Variants in DAB1 observed in about 807,000 individuals in gnomAD.
DAB1 encodes the protein DAB adaptor protein 1.
A neutral mutation model predicts 64.6 loss-of-function variants in DAB1; 15 were observed. That is an observed-to-expected ratio of 0.23 (90% CI 0.16 to 0.36). The LOEUF is 0.36. Ranked by LOEUF, DAB1 falls within the 10% of genes least tolerant of loss-of-function variation. The probability of loss-of-function intolerance (pLI) is 1.00; values close to 1 mark genes in which losing one functional copy is unlikely to be tolerated. For missense variants in DAB1, 596 were observed against 706.7 expected (o/e 0.84, Z 1.78); for synonymous variants, 235 against 251.9 (o/e 0.93, Z 0.64).
chr1:57,288,206 G>C (rs1477777640), intron 2 of DAB1, among the ~76,000 whole-genome samples: 1 of 152,046 alleles, frequency 6.6e-6, no homozygotes, highest in Non-Finnish European at 1.5e-5. Context: ...ATTGTTCTGG[G>C]ACAAATTAGC....
At chr1:57,100,356 A>AC (rs140090683) in intron 4 of DAB1, among the ~76,000 whole-genome samples, 10,619 of 152,208 alleles carry the variant, frequency 0.07, 890 homozygotes, top group African/African-American at 0.2. Flanking sequence ...GTACTACCTA[A>AC]AAAATCAGAC....
At chr1:57,701,246 T>C (rs536886414) in intron 6 of DAB1, among the ~76,000 whole-genome samples, 1 of 151,766 alleles carries the variant, frequency 6.6e-6, no homozygotes. Flanking sequence ...TATAAAGACA[T>C]ATGCACACGT....
intron 4 of DAB1, among the ~76,000 whole-genome samples, chr1:58,259,451 C>T (rs1661003136): frequency 6.6e-6 from 1 of 152,214 alleles, no homozygotes; most frequent in Admixed American, 6.5e-5. Flanking sequence ...GCCTGAGCTA[C>T]ATGTAATCTT....
At chr1:58,260,066 G>GA (rs1216859818) in intron 4 of DAB1, among the ~76,000 whole-genome samples, 5 of 152,068 alleles carry the variant, frequency 3.3e-5, no homozygotes, top group Non-Finnish European at 7.4e-5. Context: ...GGAGAGCTGG[G>GA]ATATAAACCC....
chr1:58,131,919 G>C (rs926242078), intron 5 of DAB1, among the ~76,000 whole-genome samples: 29 of 150,938 alleles, frequency 1.9e-4, no homozygotes, highest in South Asian at 4.3e-4. Flanking sequence ...TTGTTTGTTT[G>C]TGCCCTGCCC....
chr1:57,143,812 A>T (rs538641202), intron 3 of DAB1, among the ~76,000 whole-genome samples: 1 of 151,368 alleles, frequency 6.6e-6, no homozygotes, highest in East Asian at 1.9e-4. Context: ...TAATACTTTT[A>T]CACACCTAAC....
chr1:57,919,180 T>C (rs993260631), intron 5 of DAB1, among the ~76,000 whole-genome samples: 1 of 151,972 alleles, frequency 6.6e-6, no homozygotes, highest in Non-Finnish European at 1.5e-5. Context: ...ACAATTTGGG[T>C]TGTGAGGAGG....
At chr1:58,100,169 C>A (rs1243051612) in intron 5 of DAB1, among the ~76,000 whole-genome samples, 1 of 152,100 alleles carries the variant, frequency 6.6e-6, no homozygotes, top group Non-Finnish European at 1.5e-5. Context: ...TGTTGAAAAC[C>A]TTTCACCACT....
intron 6 of DAB1, among the ~76,000 whole-genome samples, chr1:57,764,469 C>T (rs1649221381): frequency 6.6e-6 from 1 of 152,094 alleles, no homozygotes. Context: ...CTATTTGAAA[C>T]TATATATTTA....
At chr1:57,505,261 C>T (rs1644331133) in intron 7 of DAB1, among the ~76,000 whole-genome samples, 1 of 152,118 alleles carries the variant, frequency 6.6e-6, no homozygotes, top group Non-Finnish European at 1.5e-5. Flanking sequence ...TAAAAAGTAT[C>T]CATTACATCG....
chr1:58,384,558 T>G (rs939205723), intron 3 of DAB1, among the ~76,000 whole-genome samples: 1 of 152,248 alleles, frequency 6.6e-6, no homozygotes, highest in East Asian at 1.9e-4. Context: ...GATGTATATA[T>G]GAAGGGGAGT....
chr1:57,415,810 G>C (rs1476902740), intron 1 of DAB1, among the ~76,000 whole-genome samples: 1 of 152,142 alleles, frequency 6.6e-6, no homozygotes, highest in Non-Finnish European at 1.5e-5. Context: ...ACCATCACCA[G>C]GGACTAGGAT....
At chr1:57,766,863 T>G (rs1410073787) in intron 6 of DAB1, among the ~76,000 whole-genome samples, 2 of 135,644 alleles carry the variant, frequency 1.5e-5, no homozygotes, top group Admixed American at 7.3e-5. Flanking sequence ...GACCCCCTTT[T>G]CAGGTTCAAT....
At chr1:58,157,018 A>G (rs932287613) in intron 4 of DAB1, among the ~76,000 whole-genome samples, 3 of 152,298 alleles carry the variant, frequency 2.0e-5, no homozygotes, top group Admixed American at 2.0e-4. Flanking sequence ...CAAATAAAAC[A>G]CACATACACA....
At chr1:57,206,899 A>G (rs1665584024) in intron 2 of DAB1, among the ~76,000 whole-genome samples, 1 of 151,306 alleles carries the variant, frequency 6.6e-6, no homozygotes, top group Non-Finnish European at 1.5e-5. Context: ...GACACATCCC[A>G]GACACTTAAA....
chr1:57,872,606 A>G (rs1485278241), intron 1 of DAB1, among the ~76,000 whole-genome samples: 2 of 152,176 alleles, frequency 1.3e-5, no homozygotes, highest in Non-Finnish European at 2.9e-5. Flanking sequence ...CCCATTCCTC[A>G]TCTTCAAGGG....
At chr1:57,311,160 C>A (rs777337944) in intron 1 of DAB1, among the ~76,000 whole-genome samples, 1 of 152,188 alleles carries the variant, frequency 6.6e-6, no homozygotes, top group Middle Eastern at 3.4e-3. Flanking sequence ...TGTCACCCAG[C>A]GTGAGAAGGG....
chr1:57,061,951 A>AT, intron 9 of DAB1, among the ~76,000 whole-genome samples: 1 of 152,312 alleles, frequency 6.6e-6, no homozygotes. Flanking sequence ...GTTGAGATGA[A>AT]TGAGGTCAAT....
chr1:57,862,746 C>T (rs1654114212), intron 1 of DAB1: 1 of 152,138 alleles, frequency 6.6e-6, no homozygotes, highest in African/African-American at 2.4e-5. Flanking sequence ...GATACCACTA[C>T]AACCTACTAA....
Sources: allele counts gnomAD v4.1 joint callset (sites outside exome capture counted in the v4.1 genomes callset), GRCh38; gene constraint gnomAD v4.1.1; transcripts MANE v1.5; gene names NCBI Gene and HGNC (gene_info 2026-07-23, HGNC 2026-07-21).